SHANK2: variants seen among roughly 807,000 people sequenced by gnomAD.
SHANK2 encodes SH3 and multiple ankyrin repeat domains protein 2.
SHANK2 carries 43 observed loss-of-function variants against 133.7 expected under a neutral mutation model. The observed-to-expected ratio is 0.32, with a 90% CI of 0.25 to 0.41. The LOEUF (loss-of-function observed/expected upper bound fraction) is 0.41, where lower values mean the gene tolerates loss of function less well. Ranked by LOEUF, SHANK2 falls within the 10% of genes least tolerant of loss-of-function variation. SHANK2 has a pLI of 1.00. For missense variants in SHANK2, 1,994 were observed against 2,235.8 expected (o/e 0.89, Z 2.18); for synonymous variants, 1,017 against 952.8 (o/e 1.07, Z -1.24).
At chr11:70,931,598 G>A (rs945545338) in intron 10 of SHANK2, among the ~76,000 whole-genome samples, 9 of 152,192 alleles carry the variant, frequency 5.9e-5, no homozygotes, top group Non-Finnish European at 1.2e-4. Flanking sequence ...ACTGTCCACC[G>A]GTCACCAGGG....
chr11:70,938,184 C>T (rs1262042777), intron 10 of SHANK2, among the ~76,000 whole-genome samples: 1 of 152,084 alleles, frequency 6.6e-6, no homozygotes, highest in Admixed American at 6.5e-5. Flanking sequence ...GGGTGAAGGT[C>T]GGAACGGAAC....
At chr11:70,857,975 C>T (rs1297039518) in intron 11 of SHANK2, among the ~76,000 whole-genome samples, 17 of 152,160 alleles carry the variant, frequency 1.1e-4, no homozygotes, top group African/African-American at 3.9e-4. Flanking sequence ...AATCCTTGTA[C>T]TGTAGCATGA....
At chr11:71,076,352 T>C (rs1951219445) in intron 8 of SHANK2, among the ~76,000 whole-genome samples, 1 of 152,092 alleles carries the variant, frequency 6.6e-6, no homozygotes, top group Non-Finnish European at 1.5e-5. Flanking sequence ...TGAATCCTGC[T>C]CTACTGCTAA....
At chr11:70,745,623 T>C (rs1555035830) in intron 14 of SHANK2, among the ~76,000 whole-genome samples, 1 of 152,056 alleles carries the variant, frequency 6.6e-6, no homozygotes, top group Non-Finnish European at 1.5e-5. Flanking sequence ...CCCAATCCTC[T>C]CCGGGGAACG....
chr11:70,571,312 G>C (rs1554983021), intron 17 of SHANK2: 1 of 152,220 alleles, frequency 6.6e-6, no homozygotes, highest in African/African-American at 2.4e-5. Flanking sequence ...ATTCACCTTA[G>C]AGGCTGAGTG....
At chr11:70,718,514 G>A (rs1167709140) in intron 14 of SHANK2, among the ~76,000 whole-genome samples, 1 of 152,186 alleles carries the variant, frequency 6.6e-6, no homozygotes, top group African/African-American at 2.4e-5. Context: ...CCATCTGCAA[G>A]GTCACGGCCA....
chr11:70,684,565 C>T (rs1209371277), intron 15 of SHANK2, among the ~76,000 whole-genome samples: 1 of 152,100 alleles, frequency 6.6e-6, no homozygotes, highest in Admixed American at 6.5e-5. Context: ...GTCTCTTAGC[C>T]CCCTACCCCC....
At chr11:70,583,141 G>C (rs527402504) in intron 17 of SHANK2, among the ~76,000 whole-genome samples, 5 of 152,272 alleles carry the variant, frequency 3.3e-5, no homozygotes, top group African/African-American at 1.2e-4. Flanking sequence ...ACATGTAAGG[G>C]AGTTACGGAG....
At chr11:71,192,757 C>T (rs1193317787) in intron 2 of SHANK2, among the ~76,000 whole-genome samples, 5 of 152,178 alleles carry the variant, frequency 3.3e-5, no homozygotes, top group African/African-American at 1.2e-4. Context: ...CTATATTCAT[C>T]AAGGCTTCCT....
chr11:70,898,080 A>C (rs1949964803), intron 10 of SHANK2, among the ~76,000 whole-genome samples: 1 of 151,338 alleles, frequency 6.6e-6, no homozygotes, highest in East Asian at 2.0e-4. Context: ...CTTGTGCCTC[A>C]GCCTCCTGAG....
intron 2 of SHANK2, among the ~76,000 whole-genome samples, chr11:71,204,776 TG>T (rs773164854): frequency 6.8e-4 from 103 of 152,210 alleles, no homozygotes; most frequent in Non-Finnish European, 1.2e-3. Flanking sequence ...AGGGCCACCC[TG>T]GAGCCACGCC....
chr11:71,089,692 C>T (rs1281545454), intron 8 of SHANK2, among the ~76,000 whole-genome samples: 4 of 152,144 alleles, frequency 2.6e-5, no homozygotes, highest in East Asian at 1.9e-4. Context: ...CGTGAAGAGG[C>T]GAGCGTGGTC....
chr11:71,187,523 G>A (rs1418974257), intron 2 of SHANK2, among the ~76,000 whole-genome samples: 3 of 151,900 alleles, frequency 2.0e-5, no homozygotes, highest in African/African-American at 4.8e-5. Flanking sequence ...GTTTTATTCA[G>A]GACAGTTCAT....
At chr11:70,851,831 G>GTTCAA (rs1271963441) in intron 11 of SHANK2, among the ~76,000 whole-genome samples, 6 of 151,784 alleles carry the variant, frequency 4.0e-5, no homozygotes, top group African/African-American at 1.5e-4. Flanking sequence ...ATGCGTGGAG[G>GTTCAA]TTCAAACTCT....
rs529822148 is a variant in SHANK2, at chr11:70,884,219, G to A, written c.1174+12282C>T. The stretch of plus-strand genomic sequence containing the variant: ...GAGGGCTCGGGGCTGTGATAATAAC[G>A]GGGTCAGGGGGTGCTTCTCACACGT... On this transcript the variant is annotated intron_variant, in intron 11 of 25. Transcript: ENST00000601538. Among the ~76,000 whole-genome samples the A allele has an allele frequency of 6.8e-4, 104 of 152,314 alleles. 2 individuals are homozygous for A. The South Asian group carries it at 0.019, about 28-fold the overall frequency.
intron 17 of SHANK2, among the ~76,000 whole-genome samples, chr11:70,655,864 G>T (rs1370358254): frequency 6.6e-6 from 1 of 152,148 alleles, no homozygotes; most frequent in African/African-American, 2.4e-5. Flanking sequence ...GGGACCCCCG[G>T]CATCACCACT....
intron 3 of SHANK2, among the ~76,000 whole-genome samples, chr11:71,141,784 T>C (rs1555105855): frequency 6.6e-6 from 1 of 151,662 alleles, no homozygotes; most frequent in East Asian, 1.9e-4. Flanking sequence ...GATGGCCAAA[T>C]CTAACTTCAT....
intron 14 of SHANK2, among the ~76,000 whole-genome samples, chr11:70,795,152 G>C (rs183490818): frequency 6.6e-6 from 1 of 152,168 alleles, no homozygotes; most frequent in African/African-American, 2.4e-5. Context: ...TTCCTTCCCT[G>C]ACCCACAGCC....
At position 70,567,479 on chromosome 11, in the gene SHANK2, T is replaced by C. The variant is rs2059982320; in HGVS notation, c.2062-64548A>G. Reference sequence around the variant, plus strand: ...CCGTCTCTACTGAAAATACAAAAATTAGCCGGGTGTGGTGGCGGGTGCCTA... The same window carrying C: ...CCGTCTCTACTGAAAATACAAAAATCAGCCGGGTGTGGTGGCGGGTGCCTA... On this transcript the variant is annotated intron_variant, in intron 17 of 25. Transcript: ENST00000601538. 2.6e-5 allele frequency among the ~76,000 whole-genome samples: 4 copies of C among 151,816 alleles called. No homozygotes were observed. In the South Asian group the frequency reaches 8.4e-4, roughly 32 times the overall value.
Sources: gnomAD v4.1 joint callset for allele counts (sites outside exome capture counted in the v4.1 genomes callset) on GRCh38, gnomAD v4.1.1 for gene constraint, MANE v1.5 for transcripts, NCBI Gene and HGNC (gene_info 2026-07-23, HGNC 2026-07-21) for gene names.